PCDHGA8: variants seen among roughly 807,000 people sequenced by gnomAD.
PCDHGA8 encodes the protein protocadherin gamma subfamily A, 8.
In PCDHGA8, 45 loss-of-function variants were observed where a neutral mutation model predicts 59.2. The ratio of observed to expected loss-of-function variants is 0.76; its 90% CI spans 0.60 to 0.98. PCDHGA8 has a LOEUF of 0.98. PCDHGA8 is among the 50% of genes least tolerant of loss of function. The probability of loss-of-function intolerance (pLI) is 0.00; values close to 1 mark genes in which losing one functional copy is unlikely to be tolerated. For synonymous variants in PCDHGA8, 531 were observed against 519.0 expected, an observed-to-expected ratio of 1.02 and a Z score of -0.32; for missense variants, 1,257 against 1,196.2, an observed-to-expected ratio of 1.05 and a Z score of -0.75.
intron 1 of PCDHGA8, chr5:141,399,868 G>A (rs1410554488): frequency 6.2e-7 from 1 of 1,612,710 alleles, no homozygotes; most frequent in African/African-American, 1.3e-5. Flanking sequence ...TGCAGAGCCC[G>A]GCTACCTGGT....
chr5:141,475,577 T>C (rs2099365697), intron 1 of PCDHGA8, among the ~76,000 whole-genome samples: 1 of 152,228 alleles, frequency 6.6e-6, no homozygotes, highest in Non-Finnish European at 1.5e-5. Context: ...ACAAGCCAGA[T>C]TTGTTGGTGT....
intron 1 of PCDHGA8, among the ~76,000 whole-genome samples, chr5:141,425,919 G>C (rs11167745): frequency 0.3 from 45,848 of 152,124 alleles, 8,179 homozygotes; most frequent in African/African-American, 0.5. Context: ...CAGTCACTAC[G>C]AAAACTCATA....
At chr5:141,503,607 A>G (rs141670522) in intron 2 of PCDHGA8, among the ~76,000 whole-genome samples, 63 of 151,996 alleles carry the variant, frequency 4.1e-4, no homozygotes, top group African/African-American at 1.4e-3. Flanking sequence ...TCAAAAAAAA[A>G]AAAAAAAGAA....
At chr5:141,497,771 C>T (rs2099779314) in intron 2 of PCDHGA8, among the ~76,000 whole-genome samples, 1 of 152,154 alleles carries the variant, frequency 6.6e-6, no homozygotes, top group Non-Finnish European at 1.5e-5. Context: ...ACTCCCCGAC[C>T]TCAACTGATC....
At chr5:141,484,866 C>T in intron 1 of PCDHGA8, 1 of 275,618 alleles carries the variant, frequency 3.6e-6, no homozygotes, top group Non-Finnish European at 6.8e-6. Flanking sequence ...GGTGGGGGAG[C>T]GTGGAGGATA....
Position 141,431,054 on chromosome 5 carries a change from G to A in PCDHGA8, c.2424+35817G>A, listed in dbSNP as rs532584174. 1 of 1,614,198 alleles carries A rather than the reference G, an allele frequency of 6.2e-7. No individual in the cohort carries two copies. Among genetic ancestry groups the A allele is most frequent in the African/African-American group, 1.3e-5 (1 of 75,076 alleles). ...AGACCGGGAGGAGCTCTGTATGGGG[G>A]CCATCAAGTGTCAATTAAATCTAGA... On this transcript the variant is annotated intron_variant, in intron 1 of 3. Transcript: ENST00000398604. This position sits in a 1 kb window ranked among gnomAD's most constrained non-coding sequence, Gnocchi z 4.8.
chr5:141,422,898 C>T (rs2096684110), intron 1 of PCDHGA8: 2 of 1,614,250 alleles, frequency 1.2e-6, no homozygotes, highest in Middle Eastern at 1.6e-4. Flanking sequence ...TGGACCAGAA[C>T]GACAATGCGC....
intron 1 of PCDHGA8, chr5:141,484,889 T>C (rs2099602721): frequency 2.8e-6 from 1 of 363,070 alleles, no homozygotes. Flanking sequence ...GTGGGCTTTT[T>C]CCCCTCCAAT....
intron 1 of PCDHGA8, chr5:141,399,366 G>A (rs1390489498): frequency 3.7e-6 from 6 of 1,613,850 alleles, no homozygotes; most frequent in Middle Eastern, 3.3e-4. Flanking sequence ...AAACCCCGGA[G>A]TACAATGTCA....
Position 141,393,093 on chromosome 5 carries a change from G to A in PCDHGA8, c.280G>A (p.Glu94Lys), listed in dbSNP as rs781611512. The change falls in exon 1 of 4, where the codon GAG (glutamate) becomes AAG (lysine). Residue 94 changes from glutamate to lysine, a missense_variant. Coordinates refer to ENST00000398604, the MANE Select transcript of PCDHGA8 (RefSeq NM_032088.2). The stretch of plus-strand genomic sequence containing the variant: ...CACCGCGGGCAGGATAGATCGGGAG[G>A]AGCTCTGCGCTCAGAGCCCGCGGTG... Reference protein sequence around the residue: ...LITAGRIDREELCAQSPRCLI... With the variant: ...LITAGRIDREKLCAQSPRCLI... 138 of 1,613,502 alleles carry A rather than the reference G, an allele frequency of 8.6e-5. No individual in the cohort carries two copies. The highest frequency in any genetic ancestry group is 1.2e-4 in the Non-Finnish European group (136 of 1,179,914).
In PCDHGA8 at chr5:141,490,507, G is replaced by C; in HGVS notation, c.2425-4300G>C. 1 of 1,614,016 alleles carries C rather than the reference G, an allele frequency of 6.2e-7. No individual in the cohort carries two copies. Among genetic ancestry groups the C allele is most frequent in the Non-Finnish European group, 8.5e-7 (1 of 1,180,002 alleles). On this transcript the variant is annotated intron_variant, in intron 1 of 3. Transcript: ENST00000398604. The surrounding 1 kb of genome is among the most constrained non-coding windows in gnomAD (Gnocchi z 5.4). ...GGAGGCCACATCCCACTATATCATCGAGCTGCTGGCCAGCGATGCTGGTTC... is the reference window on the plus strand; with the variant it reads ...GGAGGCCACATCCCACTATATCATCCAGCTGCTGGCCAGCGATGCTGGTTC...
chr5:141,414,870 G>A (rs1325555474), intron 1 of PCDHGA8: 1 of 1,614,224 alleles, frequency 6.2e-7, no homozygotes, highest in Non-Finnish European at 8.5e-7. Context: ...ATGCGCCCGA[G>A]ATCCTGTACC....
intron 1 of PCDHGA8, chr5:141,419,502 T>C: frequency 6.2e-7 from 1 of 1,612,388 alleles, no homozygotes; most frequent in Admixed American, 1.7e-5. Context: ...AATGTGAGCC[T>C]GCGCGTGTTG....
At chr5:141,472,980 C>CAAAAAA (rs60579131) in intron 1 of PCDHGA8, among the ~76,000 whole-genome samples, 7 of 86,100 alleles carry the variant, frequency 8.1e-5, no homozygotes, top group South Asian at 4.3e-4. Context: ...GAGTGAAACT[C>CAAAAAA]AAAAAAAAAA....
chr5:141,436,638 A>G (rs2097838155), intron 1 of PCDHGA8, among the ~76,000 whole-genome samples: 1 of 152,194 alleles, frequency 6.6e-6, no homozygotes, highest in Non-Finnish European at 1.5e-5. Flanking sequence ...ACATGCAATT[A>G]ATTAACAGTA....
rs1391017504 is a variant in PCDHGA8 at position 141,490,732 on chromosome 5, G to GTTCAGGGAGCCCCAGCCTCCTCCT, written c.2425-4072_2425-4049dup. 6.2e-7 allele frequency: 1 copy of GTTCAGGGAGCCCCAGCCTCCTCCT among 1,614,070 alleles called. No individual in the cohort carries two copies. Among genetic ancestry groups the GTTCAGGGAGCCCCAGCCTCCTCCT allele is most frequent in the Non-Finnish European group, 8.5e-7 (1 of 1,180,050 alleles). On this transcript the variant is annotated intron_variant, in intron 1 of 3. Coordinates refer to ENST00000398604, the MANE Select transcript of PCDHGA8 (RefSeq NM_032088.2). This position sits in a 1 kb window ranked among gnomAD's most constrained non-coding sequence, Gnocchi z 5.4. ...CACCTACTCCATTGTAGGAAATCAG[G>GTTCAGGGAGCCCCAGCCTCCTCCT]TTCAGGGAGCCCCAGCCTCCTCCTT...
intron 1 of PCDHGA8, among the ~76,000 whole-genome samples, chr5:141,465,307 T>C (rs2099100636): frequency 6.6e-6 from 1 of 152,218 alleles, no homozygotes; most frequent in Non-Finnish European, 1.5e-5. Context: ...CCTGGGAATT[T>C]AGCCATGTCA....
chr5:141,455,753 G>T (rs2098830630), intron 1 of PCDHGA8, among the ~76,000 whole-genome samples: 1 of 152,074 alleles, frequency 6.6e-6, no homozygotes, highest in Non-Finnish European at 1.5e-5. Flanking sequence ...TGCTGGCCTG[G>T]CTCCTAGAGC....
At chr5:141,414,135 A>G in intron 1 of PCDHGA8, 1 of 1,595,504 alleles carries the variant, frequency 6.3e-7, no homozygotes, top group Non-Finnish European at 8.5e-7. Context: ...GTTTCTATGA[A>G]ATAGAAATAC....
Sources: gnomAD v4.1 joint callset for allele counts (sites outside exome capture counted in the v4.1 genomes callset) on GRCh38, gnomAD v4.1.1 for gene constraint, Gnocchi (gnomAD v3.1) non-coding constraint, MANE v1.5 for transcripts, NCBI Gene and HGNC (gene_info 2026-07-23, HGNC 2026-07-21) for gene names.